KLHL29: variants seen among roughly 807,000 people sequenced by gnomAD.
The protein encoded by KLHL29 is kelch-like protein 29.
KLHL29 carries 21 observed loss-of-function variants against 80.4 expected under a neutral mutation model. The ratio of observed to expected loss-of-function variants is 0.26; its 90% CI spans 0.19 to 0.38. KLHL29 has a LOEUF of 0.38. KLHL29 is among the 10% of genes least tolerant of loss of function. The pLI is 1.00. For synonymous variants in KLHL29, 511 were observed against 526.8 expected (o/e 0.97, Z 0.41); for missense variants, 867 against 1,223.9 (o/e 0.71, Z 4.35).
intron 2 of KLHL29, among the ~76,000 whole-genome samples, chr2:23,511,420 C>A (rs933713514): frequency 6.6e-6 from 1 of 152,124 alleles, no homozygotes; most frequent in Non-Finnish European, 1.5e-5. Context: ...AGGGCGCAGA[C>A]CAAAAAGTGC....
At chr2:23,493,904 A>G (rs1260568304) in intron 2 of KLHL29, among the ~76,000 whole-genome samples, 1 of 152,242 alleles carries the variant, frequency 6.6e-6, no homozygotes, top group African/African-American at 2.4e-5. Context: ...TTATTTGTAC[A>G]GTGTAGACTT....
chr2:23,462,131 C>T (rs977373768), intron 1 of KLHL29, among the ~76,000 whole-genome samples: 17 of 152,044 alleles, frequency 1.1e-4, no homozygotes, highest in Non-Finnish European at 2.5e-4. Flanking sequence ...TCAAGGATGA[C>T]TCCCACCTGG....
At chr2:23,412,122 AG>A (rs33951812) in intron 1 of KLHL29, among the ~76,000 whole-genome samples, 41,625 of 118,366 alleles carry the variant, frequency 0.35, 7,662 homozygotes, top group Middle Eastern at 0.43. Flanking sequence ...GTGTGCGTGA[AG>A]GGGGGGGGGG....
At chr2:23,661,982 G>T (rs1414350517) in intron 5 of KLHL29, among the ~76,000 whole-genome samples, 1 of 152,222 alleles carries the variant, frequency 6.6e-6, no homozygotes, top group African/African-American at 2.4e-5. Flanking sequence ...TAGATGCTCA[G>T]TAAACACTTT....
At chr2:23,592,473 C>G (rs1244439945) in intron 3 of KLHL29, among the ~76,000 whole-genome samples, 1 of 152,230 alleles carries the variant, frequency 6.6e-6, no homozygotes, top group Non-Finnish European at 1.5e-5. Flanking sequence ...AGGGACCTAG[C>G]AGTTGAGCTG....
At chr2:23,506,453 G>A (rs1665600720) in intron 2 of KLHL29, among the ~76,000 whole-genome samples, 1 of 152,156 alleles carries the variant, frequency 6.6e-6, no homozygotes, top group African/African-American at 2.4e-5. Context: ...CTTTCAACCT[G>A]ATCCTTATCC....
chr2:23,464,420 G>A (rs1363343736), intron 1 of KLHL29, among the ~76,000 whole-genome samples: 1 of 152,184 alleles, frequency 6.6e-6, no homozygotes, highest in Non-Finnish European at 1.5e-5. Context: ...CTTCGGGGGG[G>A]ATAACTCTGA....
intron 3 of KLHL29, among the ~76,000 whole-genome samples, chr2:23,572,142 C>G (rs1667730752): frequency 6.6e-6 from 1 of 152,222 alleles, no homozygotes; most frequent in Non-Finnish European, 1.5e-5. Flanking sequence ...TGAGGGAAAT[C>G]CACTAACACA....
At chr2:23,599,822 C>A (rs748066302) in intron 3 of KLHL29, among the ~76,000 whole-genome samples, 1 of 152,156 alleles carries the variant, frequency 6.6e-6, no homozygotes. Flanking sequence ...TGTGCCCGCC[C>A]GACGCCACGT....
At chr2:23,449,173 C>CA (rs1379162076) in intron 1 of KLHL29, among the ~76,000 whole-genome samples, 1 of 152,104 alleles carries the variant, frequency 6.6e-6, no homozygotes, top group Non-Finnish European at 1.5e-5. Flanking sequence ...CCATGACAAA[C>CA]ATGTCTTCTC....
At chr2:23,588,899 C>G (rs1019058426) in intron 3 of KLHL29, among the ~76,000 whole-genome samples, 5 of 152,222 alleles carry the variant, frequency 3.3e-5, no homozygotes, top group African/African-American at 1.2e-4. Context: ...AGGCAATCTC[C>G]ACACTCTCAG....
intron 2 of KLHL29, among the ~76,000 whole-genome samples, chr2:23,550,516 C>T (rs987664587): frequency 1.3e-5 from 2 of 152,158 alleles, no homozygotes; most frequent in East Asian, 3.8e-4. Context: ...CCCCGGCCCT[C>T]GGAGCAATTC....
intron 5 of KLHL29, among the ~76,000 whole-genome samples, chr2:23,663,305 C>A (rs1670466830): frequency 6.6e-5 from 10 of 152,308 alleles, no homozygotes; most frequent in Admixed American, 6.5e-4. Context: ...GGTAGGGGTC[C>A]CCTCCTCGCC....
chr2:23,508,658 C>T (rs1304749354), intron 2 of KLHL29, among the ~76,000 whole-genome samples: 11 of 152,228 alleles, frequency 7.2e-5, no homozygotes, highest in Non-Finnish European at 1.6e-4. Flanking sequence ...CGCGGGATCC[C>T]CGCATCTTGC....
chr2:23,619,439 T>C (rs939310398), intron 3 of KLHL29, among the ~76,000 whole-genome samples: 1 of 152,108 alleles, frequency 6.6e-6, no homozygotes, highest in African/African-American at 2.4e-5. Context: ...ATGAGTCCAC[T>C]CATGGAGGCC....
intron 3 of KLHL29, among the ~76,000 whole-genome samples, chr2:23,612,758 G>A (rs1182340138): frequency 6.6e-6 from 1 of 151,896 alleles, no homozygotes; most frequent in Non-Finnish European, 1.5e-5. Context: ...GAAAAGAAAA[G>A]GAAAGAAAGC....
chr2:23,642,305 C>G, intron 4 of KLHL29, 33 bp from the exon 5 acceptor site: 1 of 1,394,382 alleles, frequency 7.2e-7, no homozygotes, highest in Non-Finnish European at 9.4e-7. Flanking sequence ...AAAATGTAAC[C>G]GGCAGATGAC....
chr2:23,589,305 G>A (rs1469394940), intron 3 of KLHL29, among the ~76,000 whole-genome samples: 11 of 152,248 alleles, frequency 7.2e-5, no homozygotes, highest in Admixed American at 7.2e-4. Flanking sequence ...TCCCCACTGG[G>A]ACAGCCAGAT....
chr2:23,498,478 A>G (rs946013502), intron 2 of KLHL29, among the ~76,000 whole-genome samples: 2 of 152,228 alleles, frequency 1.3e-5, no homozygotes, highest in African/African-American at 4.8e-5. Flanking sequence ...CTCCCTGCCA[A>G]GCAGGGAGCT....
Sources: allele counts gnomAD v4.1 joint callset (sites outside exome capture counted in the v4.1 genomes callset), GRCh38; gene constraint gnomAD v4.1.1; transcripts MANE v1.5; gene names NCBI Gene and HGNC (gene_info 2026-07-23, HGNC 2026-07-21).